Variants in CDK14 observed in about 807,000 individuals in gnomAD.
CDK14 encodes the protein cyclin-dependent kinase 14.
Under a neutral mutation model 60.7 loss-of-function variants are expected in CDK14, and 34 were observed. That is an observed-to-expected ratio of 0.56 (90% CI 0.43 to 0.75). CDK14 has a LOEUF of 0.75. Among genes scored for constraint, CDK14 ranks in the 30% least tolerant of loss-of-function variants. The pLI is 0.00. For synonymous variants in CDK14, 197 were observed against 203.7 expected (o/e 0.97, Z 0.28); for missense variants, 482 against 564.1 (o/e 0.85, Z 1.47).
intron 5 of CDK14, among the ~76,000 whole-genome samples, chr7:90,800,087 A>C (rs1470426079): frequency 4.6e-5 from 7 of 152,150 alleles, no homozygotes; most frequent in Non-Finnish European, 1.0e-4. Flanking sequence ...TTGTTTGGGT[A>C]CATTCTTTTT....
chr7:90,827,951 T>C (rs1789782856), intron 5 of CDK14, among the ~76,000 whole-genome samples: 1 of 152,024 alleles, frequency 6.6e-6, no homozygotes, highest in African/African-American at 2.4e-5. Flanking sequence ...AAAATTGTTT[T>C]ATACCTTTCA....
chr7:90,614,038 C>T (rs1584741952), intron 2 of CDK14, among the ~76,000 whole-genome samples: 1 of 142,500 alleles, frequency 7.0e-6, no homozygotes, highest in Admixed American at 7.2e-5. Flanking sequence ...TGGAGTTTCG[C>T]TCTTGTTGCC....
At chr7:90,859,169 C>T (rs1790924167) in intron 5 of CDK14, among the ~76,000 whole-genome samples, 1 of 152,234 alleles carries the variant, frequency 6.6e-6, no homozygotes, top group South Asian at 2.1e-4. Context: ...GCTCCAGATT[C>T]AGTTCCGGAG....
At chr7:90,699,795 G>T (rs1801744248) in intron 2 of CDK14, among the ~76,000 whole-genome samples, 1 of 152,158 alleles carries the variant, frequency 6.6e-6, no homozygotes, top group Non-Finnish European at 1.5e-5. Flanking sequence ...AACTAGTTAT[G>T]ATGGGGTCAG....
intron 8 of CDK14, among the ~76,000 whole-genome samples, chr7:90,934,081 A>G (rs894315901): frequency 3.3e-5 from 5 of 152,250 alleles, no homozygotes; most frequent in Non-Finnish European, 7.3e-5. Context: ...CTCCAGTTGC[A>G]GTCTCCAAGC....
rs1049539376 is a variant in CDK14 at position 90,972,210 on chromosome 7, A to C, written c.948-11938A>C. On this transcript the variant is annotated intron_variant, in intron 9 of 14. Coordinates refer to ENST00000380050, the MANE Select transcript of CDK14 (RefSeq NM_001287135.2). ...TCATTCCTTAAGAGCAAAGTACTCC[A>C]TAGAAGTTCTTGACTAAGATATATT... Among the ~76,000 whole-genome samples the C allele has an allele frequency of 5.3e-5, 8 of 152,326 alleles. No individual in the cohort carries two copies. The South Asian group carries it at 1.4e-3, about 28-fold the overall frequency.
chr7:90,924,587 C>T (rs1330044065), intron 8 of CDK14, among the ~76,000 whole-genome samples: 1 of 152,144 alleles, frequency 6.6e-6, no homozygotes, highest in Non-Finnish European at 1.5e-5. Flanking sequence ...TCTTAGATGA[C>T]AGTAAATGAA....
chr7:90,808,134 G>A (rs1788937001), intron 5 of CDK14, among the ~76,000 whole-genome samples: 1 of 152,044 alleles, frequency 6.6e-6, no homozygotes, highest in South Asian at 2.1e-4. Context: ...GATACTCCTC[G>A]AGAAGAGCAA....
At chr7:90,605,346 C>T (rs1400904205) in intron 2 of CDK14, among the ~76,000 whole-genome samples, 1 of 152,196 alleles carries the variant, frequency 6.6e-6, no homozygotes, top group Non-Finnish European at 1.5e-5. Context: ...CTTTACAAAG[C>T]TGTGTGTCCC....
chr7:90,836,929 G>C (rs777286501), intron 5 of CDK14, among the ~76,000 whole-genome samples: 19 of 152,186 alleles, frequency 1.2e-4, no homozygotes, highest in Non-Finnish European at 2.5e-4. Flanking sequence ...ACTGTATATT[G>C]TTTCTGTACC....
chr7:90,709,245 G>A (rs1263179738), intron 2 of CDK14: 4 of 409,128 alleles, frequency 9.8e-6, no homozygotes, highest in Non-Finnish European at 1.7e-5. Flanking sequence ...TATACACGTA[G>A]ACACCATTTT....
In CDK14 at chr7:90,893,014, G is replaced by A. The variant is rs768821262; in HGVS notation, c.640-6277G>A. Among the ~76,000 whole-genome samples the A allele has an allele frequency of 3.9e-5, 6 of 152,168 alleles. No individual in the cohort carries two copies. The East Asian group carries it at 5.8e-4, about 15-fold the overall frequency. On this transcript the variant is annotated intron_variant, in intron 6 of 14. Transcript: ENST00000380050. ...AGGATGATCTCTATCTCCTGACCTC[G>A]TGATCTGCCTGCCTCGGCCTCCCAG...
chr7:90,619,436 G>GT (rs1191639828), intron 2 of CDK14, among the ~76,000 whole-genome samples: 1 of 152,044 alleles, frequency 6.6e-6, no homozygotes, highest in African/African-American at 2.4e-5. Context: ...GATATTTACA[G>GT]TTTTTTTGTC....
At chr7:90,610,359 G>A (rs1799513847) in intron 2 of CDK14, among the ~76,000 whole-genome samples, 1 of 152,182 alleles carries the variant, frequency 6.6e-6, no homozygotes, top group African/African-American at 2.4e-5. Context: ...ATCCTTAGCT[G>A]GAACGTCAGG....
At chr7:91,163,235 T>C (rs147811940) in intron 14 of CDK14, among the ~76,000 whole-genome samples, 24 of 152,320 alleles carry the variant, frequency 1.6e-4, no homozygotes, top group African/African-American at 3.8e-4. Context: ...CCCCAGAAAT[T>C]GCTCTTCATG....
chr7:90,965,086 C>T (rs1317120262), intron 9 of CDK14, among the ~76,000 whole-genome samples: 1 of 152,170 alleles, frequency 6.6e-6, no homozygotes, highest in Non-Finnish European at 1.5e-5. Flanking sequence ...AAACTTTCCT[C>T]TCTCGGCTTT....
intron 6 of CDK14, among the ~76,000 whole-genome samples, chr7:90,888,495 T>C (rs1221565600): frequency 1.3e-5 from 2 of 152,210 alleles, no homozygotes; most frequent in Admixed American, 6.5e-5. Flanking sequence ...GCAAAAGTTA[T>C]TTCAGGATGG....
intron 8 of CDK14, among the ~76,000 whole-genome samples, chr7:90,918,022 CCTT>C (rs1793133278): frequency 6.6e-6 from 1 of 151,938 alleles, no homozygotes; most frequent in Non-Finnish European, 1.5e-5. Context: ...AATATATGCT[CCTT>C]GAGTGAAAAT....
chr7:90,997,101 T>C (rs910575090), intron 10 of CDK14, among the ~76,000 whole-genome samples: 1 of 152,214 alleles, frequency 6.6e-6, no homozygotes, highest in Non-Finnish European at 1.5e-5. Flanking sequence ...GATTTTTCAA[T>C]TGGAAATTTT....
Sources: gnomAD v4.1 joint callset for allele counts (sites outside exome capture counted in the v4.1 genomes callset) on GRCh38, gnomAD v4.1.1 for gene constraint, MANE v1.5 for transcripts, NCBI Gene and HGNC (gene_info 2026-07-23, HGNC 2026-07-21) for gene names.